Variants in C17orf113 observed in about 807,000 individuals in gnomAD.
The protein encoded by C17orf113 is uncharacterized protein C17orf113.
In C17orf113, 5 loss-of-function variants were observed where a neutral mutation model predicts 11.6. The observed-to-expected ratio is 0.43, with a 90% CI of 0.23 to 0.91. C17orf113 has a LOEUF of 0.91. Among genes scored for constraint, C17orf113 ranks in the 40% least tolerant of loss-of-function variants. The pLI, the probability that C17orf113 is intolerant of heterozygous loss-of-function variation, is 0.26. For missense variants in C17orf113, 714 were observed against 841.3 expected, an observed-to-expected ratio of 0.85 and a Z score of 1.87; for synonymous variants, 327 against 390.6, an observed-to-expected ratio of 0.84 and a Z score of 1.92.
chr17:42,040,573 GA>G lies in C17orf113; in HGVS notation c.1159del (p.Ser387HisfsTer46). 1 of 1,232,784 alleles carries G rather than the reference GA, an allele frequency of 8.1e-7. No individual in the cohort carries two copies. The highest frequency in any genetic ancestry group is 1.0e-6 in the Non-Finnish European group (1 of 988,492). 76.4% of individuals were successfully genotyped at this position (1,232,784 alleles called of 1,614,324 possible). A position where few individuals can be genotyped will look rare whatever the true frequency, so the allele number is the denominator to read the frequency against. On this transcript the variant is annotated frameshift_variant, in exon 3 of 3. Coordinates refer to ENST00000587304, the MANE Select transcript of C17orf113 (RefSeq NM_001358661.2). LOFTEE classifies it low-confidence loss of function (END_TRUNC). ...AAALASPVAG[S>X]LALALRQFTF... is the part of the protein sequence containing the mutation. ...GAACTGGCGCAGGGCCAGGGCCAGT[GA>G]CCCCGCCACAGGTGAGGCAAGGGCT...
At chr17:42,042,025 G>A (rs2053034533) in intron 2 of C17orf113, among the ~76,000 whole-genome samples, 1 of 152,102 alleles carries the variant, frequency 6.6e-6, no homozygotes, top group Non-Finnish European at 1.5e-5. Flanking sequence ...ACACATTCGA[G>A]TTTTTCAAAA....
At chr17:42,041,733 T>C (rs1190046807) in intron 2 of C17orf113, among the ~76,000 whole-genome samples, 2 of 152,078 alleles carry the variant, frequency 1.3e-5, no homozygotes, top group African/African-American at 2.4e-5. Context: ...GTGTGCTGTT[T>C]CTCTATTTGT....
chr17:42,045,599 C>T (rs1187234919), intron 1 of C17orf113, among the ~76,000 whole-genome samples: 1 of 152,206 alleles, frequency 6.6e-6, no homozygotes, highest in African/African-American at 2.4e-5. Context: ...TCAGAGTGAC[C>T]TCCTGACCCC....
At chr17:42,046,583 T>C (rs1458941165) in intron 1 of C17orf113, among the ~76,000 whole-genome samples, 1 of 151,612 alleles carries the variant, frequency 6.6e-6, no homozygotes, top group Non-Finnish European at 1.5e-5. Flanking sequence ...CTGGGAAAAA[T>C]TGTGAGAACC....
intron 1 of C17orf113, among the ~76,000 whole-genome samples, chr17:42,048,821 C>T (rs2053224553): frequency 6.6e-6 from 1 of 151,990 alleles, no homozygotes; most frequent in Non-Finnish European, 1.5e-5. Context: ...CCTGACTGCA[C>T]ACTGGGTTTC....
chr17:42,041,300 G>T, intron 2 of C17orf113, 111 bp from the exon 3 acceptor site: 1 of 925,966 alleles, frequency 1.1e-6, no homozygotes, highest in Non-Finnish European at 1.4e-6. Context: ...AGGTTAGACA[G>T]ACTTAGGGAC....
At chr17:42,042,383 G>A (rs781850021) in intron 2 of C17orf113, among the ~76,000 whole-genome samples, 5 of 152,142 alleles carry the variant, frequency 3.3e-5, no homozygotes, top group Admixed American at 1.3e-4. Flanking sequence ...TTAGCTGAGC[G>A]TGGTGGCACA....
At chr17:42,043,648 CCA>C in intron 1 of C17orf113, 85 bp from the exon 2 acceptor site, 2 of 300,494 alleles carry the variant, frequency 6.7e-6, no homozygotes, top group Non-Finnish European at 1.2e-5. Context: ...TTCATGCTGC[CCA>C]CAGAGTCCTC....
rs543368102 is a variant in C17orf113 at position 42,048,101 on chromosome 17, C to T, written c.-188+2456G>A. ...CTGGAGGTCATCTCCTCCCCCCCTT[C>T]CCAACTTCAAATTGTCTAACATTTC... On this transcript the variant is annotated intron_variant, in intron 1 of 2. Coordinates refer to ENST00000587304, the MANE Select transcript of C17orf113 (RefSeq NM_001358661.2). Among the ~76,000 whole-genome samples the T allele has an allele frequency of 6.6e-5, 10 of 152,236 alleles. No individual in the cohort carries two copies. The East Asian group carries it at 1.7e-3, about 26-fold the overall frequency.
rs1452687446 is a variant in C17orf113 at position 42,043,120 on chromosome 17, C to T, written c.257G>A (p.Arg86His). Residue 86 changes from arginine to histidine, a missense_variant, in exon 2 of 3, where the codon CGC becomes CAC. Transcript: ENST00000587304. ...LLRHVTSGAH[R>H]QALAVNQGQP... Reference sequence around the variant, plus strand: ...GCCCTGGTTGACAGCCAGAGCCTGGCGGTGGGCTCCTGAGGTCACGTGGCG... The same window carrying T: ...GCCCTGGTTGACAGCCAGAGCCTGGTGGTGGGCTCCTGAGGTCACGTGGCG... 1.1e-5 allele frequency: 13 copies of T among 1,232,136 alleles called. No individual in the cohort carries two copies. The South Asian group carries it at 2.5e-4, about 23-fold the overall frequency. The allele number at this position is 1,232,136 out of a possible 1,614,324, so 76.3% of individuals were successfully genotyped here.
In C17orf113 at chr17:42,040,123, C is replaced by T; in HGVS notation, c.1610G>A (p.Gly537Asp). 8.1e-7 allele frequency: 1 copy of T among 1,231,426 alleles called. No individual in the cohort carries two copies. The highest frequency in any genetic ancestry group is 1.5e-5 in the African/African-American group (1 of 64,546). The allele number at this position is 1,231,426 out of a possible 1,614,324, so 76.3% of individuals were successfully genotyped here. ...CAGCAGCACCCGCAGCGCCCCCTCG[C>T]CATGCGTGCCCAGCTCCTCCGGCGC... ...PQAPEELGTH[G>D]EGALRVLLRG... Residue 537 changes from glycine to aspartate, a missense_variant, in exon 3 of 3, where the codon GGC becomes GAC. Gly to Asp is a moderately conservative substitution (Grantham distance 94, BLOSUM62 -1). Transcript: ENST00000587304.
Position 42,041,017 on chromosome 17 carries a change from C to T in C17orf113, c.716G>A (p.Ser239Asn), listed in dbSNP as rs534496087. 171 of 1,232,250 alleles carry T rather than the reference C, an allele frequency of 1.4e-4. No individual in the cohort carries two copies. The highest frequency in any genetic ancestry group is 1.7e-4 in the Non-Finnish European group (170 of 988,098). The allele number at this position is 1,232,250 out of a possible 1,614,324, so 76.3% of individuals were successfully genotyped here. ...GGCCTCGCCCTCCTGTAGCTCCACA[C>T]TGCCCAGGAAGGTGGTGGCGGGCTG... ...DGQPATTFLG[S>N]VELQEGEATA... is the part of the protein sequence containing the mutation. The change falls in exon 3 of 3, where the codon AGT becomes AAT. Residue 239 changes from serine (S) to asparagine (N), a missense_variant. Ser to Asn is a conservative substitution (Grantham distance 46). Transcript: ENST00000587304.
At chr17:42,047,029 ATTTTT>A (rs60694132) in intron 1 of C17orf113, among the ~76,000 whole-genome samples, 16 of 116,564 alleles carry the variant, frequency 1.4e-4, no homozygotes, top group South Asian at 2.8e-4. Flanking sequence ...TGCCCGGCTA[ATTTTT>A]TTTTTTTTTT....
chr17:42,045,075 GC>G (rs1409150492), intron 1 of C17orf113, among the ~76,000 whole-genome samples: 2 of 152,152 alleles, frequency 1.3e-5, no homozygotes, highest in Non-Finnish European at 2.9e-5. Flanking sequence ...CCGCCATCAC[GC>G]CCGGCTAATT....
chr17:42,042,878 C>G lies in C17orf113; in HGVS notation c.499G>C (p.Glu167Gln). The G allele has an allele frequency of 1.6e-6, 2 of 1,232,350 alleles. No homozygotes were observed. Among genetic ancestry groups the G allele is most frequent in the Non-Finnish European group, 2.0e-6 (2 of 988,082 alleles). The allele number at this position is 1,232,350 out of a possible 1,614,324, so 76.3% of individuals were successfully genotyped here. Residue 167 changes from glutamate to glutamine, a missense_variant, in exon 2 of 3, where the codon GAG becomes CAG. Around this residue, in one of 3 missense-constraint regions of C17orf113, gnomAD observed 516 missense variants for 626.6 expected, o/e 0.82. Coordinates refer to ENST00000587304, the MANE Select transcript of C17orf113 (RefSeq NM_001358661.2). ...FNLCQALLGT[E>Q]HGDYYSPRRV... ...CTGGGACTGTAGTAATCGCCATGCT[C>G]TGTGCCCAGCAGTGCCTGGCACAGG...
In C17orf113 at chr17:42,040,683, C is replaced by T; in HGVS notation, c.1050G>A (p.Arg350=). Residue 350 remains arginine (R), a synonymous_variant, in exon 3 of 3, where the codon CGG becomes CGA. Coordinates refer to ENST00000587304, the MANE Select transcript of C17orf113 (RefSeq NM_001358661.2). ...GCAGCAGGGAGGCCCAGGGCACTGG[C>T]CGAGGCCCTGCCAAGTCAATAGCTG... is the stretch of plus-strand genomic sequence containing the variant. ...DLAAIDLAGP[R]PVPWASLLPV... is the part of the protein sequence containing the mutation. The T allele has an allele frequency of 8.1e-7, 1 of 1,232,300 alleles. No individual in the cohort carries two copies. Among genetic ancestry groups the T allele is most frequent in the East Asian group, 3.2e-5 (1 of 31,704 alleles). 76.3% of individuals were successfully genotyped at this position (1,232,300 alleles called of 1,614,324 possible).
In C17orf113 at chr17:42,040,065, C is replaced by A; in HGVS notation, c.1668G>T (p.Arg556=). The change falls in exon 3 of 3, where the codon CGG becomes CGT. Residue 556 remains arginine (R), a synonymous_variant. Transcript: ENST00000587304. Reference sequence around the variant, plus strand: ...TAAACAGCGCGAAGTCGCCCAGCGCCCGCTGGCGCACCACGGCAGGAGCAA... The same window carrying A: ...TAAACAGCGCGAAGTCGCCCAGCGCACGCTGGCGCACCACGGCAGGAGCAA... ...RGFAPAVVRQ[R]ALGDFALFKR... is the part of the protein sequence containing the mutation. 8.1e-7 allele frequency: 1 copy of A among 1,231,188 alleles called. No individual in the cohort carries two copies. Among genetic ancestry groups the A allele is most frequent in the Non-Finnish European group, 1.0e-6 (1 of 987,554 alleles). 76.3% of individuals were successfully genotyped at this position (1,231,188 alleles called of 1,614,324 possible). A position where few individuals can be genotyped will look rare whatever the true frequency, so the allele number is the denominator to read the frequency against.
chr17:42,044,827 A>T (rs1227719522), intron 1 of C17orf113, among the ~76,000 whole-genome samples: 3 of 148,712 alleles, frequency 2.0e-5, no homozygotes, highest in African/African-American at 7.5e-5. Flanking sequence ...TACCTCCCTC[A>T]CTCTGCCACC....
intron 1 of C17orf113, among the ~76,000 whole-genome samples, chr17:42,046,853 AT>A (rs1316105179): frequency 4.0e-5 from 6 of 150,276 alleles, no homozygotes; most frequent in South Asian, 2.1e-4. Context: ...ATTAGATGAT[AT>A]TTTTTTTCCT....
Sources: gnomAD v4.1 joint callset for allele counts (sites outside exome capture counted in the v4.1 genomes callset) on GRCh38, gnomAD v4.1.1 for gene constraint, gnomAD v4.1.1 regional missense constraint, MANE v1.5 for transcripts, NCBI Gene and HGNC (gene_info 2026-07-23, HGNC 2026-07-21) for gene names.